The following KCTD3 variants were observed in gnomAD, a reference collection of about 807,000 sequenced individuals.
KCTD3 encodes potassium channel tetramerization domain containing 3, also known as BTB/POZ domain-containing protein KCTD3.
Under a neutral mutation model 85.8 loss-of-function variants are expected in KCTD3, and 41 were observed. The ratio of observed to expected loss-of-function variants is 0.48; its 90% CI spans 0.37 to 0.62. The LOEUF (loss-of-function observed/expected upper bound fraction) is 0.62. Among genes scored for constraint, KCTD3 ranks in the 20% least tolerant of loss-of-function variants. KCTD3 has a pLI of 0.00. For missense variants in KCTD3, 724 were observed against 989.9 expected, an observed-to-expected ratio of 0.73 and a Z score of 3.60; for synonymous variants, 338 against 345.4, an observed-to-expected ratio of 0.98 and a Z score of 0.24.
chr1:215,609,033 TTAAAA>T (rs1292129431), intron 14 of KCTD3, among the ~76,000 whole-genome samples: 1 of 152,076 alleles, frequency 6.6e-6, no homozygotes, highest in African/African-American at 2.4e-5. Context: ...GCAGTGGGAA[TTAAAA>T]TAAAACAGTT....
chr1:215,578,181 T>C, intron 6 of KCTD3, 100 bp downstream of exon 6: 1 of 906,680 alleles, frequency 1.1e-6, no homozygotes, highest in Non-Finnish European at 1.7e-6. Context: ...TTGAGTTTTT[T>C]GTCTATAAAT....
chr1:215,599,957 T>G (rs1240010604), intron 10 of KCTD3, among the ~76,000 whole-genome samples: 1 of 151,702 alleles, frequency 6.6e-6, no homozygotes, highest in African/African-American at 2.4e-5. Context: ...TCTGTCCCCA[T>G]TTTCCTGCCA....
chr1:215,576,523 T>C (rs749793655), intron 4 of KCTD3, among the ~76,000 whole-genome samples: 1 of 151,904 alleles, frequency 6.6e-6, no homozygotes, highest in Non-Finnish European at 1.5e-5. Flanking sequence ...CTGCAGTGAG[T>C]TATGATCATG....
chr1:215,593,995 G>A (rs1240034887), intron 9 of KCTD3, among the ~76,000 whole-genome samples: 2 of 151,856 alleles, frequency 1.3e-5, no homozygotes, highest in Non-Finnish European at 1.5e-5. Context: ...CAGTAGCTGG[G>A]ATTACAGGCG....
chr1:215,582,918 A>C (rs1365948462), intron 8 of KCTD3, among the ~76,000 whole-genome samples: 1 of 152,312 alleles, frequency 6.6e-6, no homozygotes, highest in South Asian at 2.1e-4. Context: ...GCAAATATGT[A>C]CCTTCTTTGT....
At chr1:215,602,290 T>A (rs1654861022) in intron 12 of KCTD3, 89 bp downstream of exon 12, 3 of 667,956 alleles carry the variant, frequency 4.5e-6, no homozygotes, top group Non-Finnish European at 7.8e-6. Flanking sequence ...TAAACTGGTT[T>A]ATTTCTTTTT....
chr1:215,577,327 A>G (rs1014264842), intron 4 of KCTD3, among the ~76,000 whole-genome samples: 1 of 152,144 alleles, frequency 6.6e-6, no homozygotes, highest in South Asian at 2.1e-4. Context: ...GTTAAAAGCA[A>G]CTAATGCCAT....
At chr1:215,572,291 T>A (rs1244708829) in intron 1 of KCTD3, among the ~76,000 whole-genome samples, 3 of 152,224 alleles carry the variant, frequency 2.0e-5, no homozygotes, top group African/African-American at 7.2e-5. Flanking sequence ...TGCTTTTAGG[T>A]GGTCCTCTCT....
chr1:215,600,429 C>A (rs1165559376), intron 10 of KCTD3, among the ~76,000 whole-genome samples: 1 of 152,196 alleles, frequency 6.6e-6, no homozygotes, highest in Non-Finnish European at 1.5e-5. Flanking sequence ...AGCTTCACTT[C>A]CTCTGTGAAC....
intron 8 of KCTD3, among the ~76,000 whole-genome samples, chr1:215,584,817 A>G (rs1659948652): frequency 6.6e-6 from 1 of 152,240 alleles, no homozygotes. Context: ...TATTGTAGTT[A>G]CATATTGCTG....
At position 215,567,702 on chromosome 1, in the gene KCTD3, G is replaced by A; in HGVS notation, c.17G>A (p.Cys6Tyr). The change falls in exon 1 of 18, where the codon TGC (cysteine) becomes TAC (tyrosine). Residue 6 changes from cysteine to tyrosine, a missense_variant. Physicochemically the swap from Cys to Tyr is radical, Grantham distance 194 (BLOSUM62 -2). Coordinates refer to ENST00000259154, the MANE Select transcript of KCTD3 (RefSeq NM_016121.5). MAGGH[C>Y]GSFPAAAAGS... ...CCGCCGGAGATGGCGGGAGGGCACTGCGGCAGCTTCCCCGCGGCGGCGGCC... is the reference window on the plus strand; with the variant it reads ...CCGCCGGAGATGGCGGGAGGGCACTACGGCAGCTTCCCCGCGGCGGCGGCC... The A allele has an allele frequency of 8.1e-7, 1 of 1,241,678 alleles. No individual in the cohort carries two copies. The highest frequency in any genetic ancestry group is 1.0e-6 in the Non-Finnish European group (1 of 988,198). The allele number at this position is 1,241,678 out of a possible 1,614,324, so 76.9% of individuals were successfully genotyped here. A position where few individuals can be genotyped will look rare whatever the true frequency, so the allele number is the denominator to read the frequency against.
At chr1:215,596,446 G>A (rs1383264761) in intron 10 of KCTD3, among the ~76,000 whole-genome samples, 1 of 152,116 alleles carries the variant, frequency 6.6e-6, no homozygotes, top group Non-Finnish European at 1.5e-5. Flanking sequence ...TTTCCATTGA[G>A]TGGGTATATA....
rs1479495843 is a variant in KCTD3 at position 215,608,155 on chromosome 1, C to T, written c.1448C>T (p.Ser483Phe). The change falls in exon 14 of 18, where the codon TCC becomes TTC. Residue 483 changes from serine (S) to phenylalanine (F), a missense_variant. Around this residue, in one of 6 missense-constraint regions of KCTD3, gnomAD observed 136 missense variants for 197.6 expected, o/e 0.69. Transcript: ENST00000259154. ...GAGACAGAAAGTCATGGTAGCTATT[C>T]CTCTGGAAATGACATAGGTGGGTTA... ...LEETESHGSY[S>F]SGNDIGPFGE... The T allele has an allele frequency of 6.2e-7, 1 of 1,610,322 alleles. No individual in the cohort carries two copies. The highest frequency in any genetic ancestry group is 1.3e-5 in the African/African-American group (1 of 74,710).
At chr1:215,576,833 G>C (rs1659604403) in intron 4 of KCTD3, among the ~76,000 whole-genome samples, 2 of 152,098 alleles carry the variant, frequency 1.3e-5, no homozygotes, top group African/African-American at 4.8e-5. Context: ...CTCCCAAAGT[G>C]CTGGGATTAC....
intron 14 of KCTD3, 88 bp downstream of exon 14, chr1:215,608,260 T>C (rs1655107621): frequency 1.2e-6 from 1 of 801,524 alleles, no homozygotes; most frequent in Non-Finnish European, 1.8e-6. Flanking sequence ...AAAAATGAGT[T>C]TTAAATACAA....
chr1:215,619,138 A>G lies in KCTD3; in HGVS notation c.1748-15A>G, dbSNP rs769107319. ...TTTCACTTAAGTGATTTTAATGACT[A>G]TTTGTTCTCCTAAGATGTAGGTGGT... On this transcript the variant is annotated splice_polypyrimidine_tract_variant and intron_variant, in intron 16 of 17. Coordinates refer to ENST00000259154, the MANE Select transcript of KCTD3 (RefSeq NM_016121.5). 29 of 1,611,992 alleles carry G rather than the reference A, an allele frequency of 1.8e-5. No individual in the cohort carries two copies. The highest frequency in any genetic ancestry group is 1.3e-4 in the Admixed American group (8 of 59,752).
chr1:215,607,605 G>A (rs972429623), intron 13 of KCTD3, among the ~76,000 whole-genome samples: 8 of 151,856 alleles, frequency 5.3e-5, no homozygotes, highest in South Asian at 2.1e-4. Flanking sequence ...ATAATTTTTC[G>A]GTAAGTTCTG....
chr1:215,597,734 A>G (rs1028396682), intron 10 of KCTD3, among the ~76,000 whole-genome samples: 1 of 152,094 alleles, frequency 6.6e-6, no homozygotes, highest in Non-Finnish European at 1.5e-5. Flanking sequence ...TGTTTGATTT[A>G]GCTTCTCTCT....
chr1:215,570,798 C>A (rs1314115889), intron 1 of KCTD3, among the ~76,000 whole-genome samples: 2 of 152,100 alleles, frequency 1.3e-5, no homozygotes, highest in Non-Finnish European at 2.9e-5. Flanking sequence ...TTTCTTTAGT[C>A]CTTTGCTGAA....
Sources: allele counts gnomAD v4.1 joint callset (sites outside exome capture counted in the v4.1 genomes callset), GRCh38; gene constraint gnomAD v4.1.1; regional missense constraint gnomAD v4.1.1; transcripts MANE v1.5; gene names NCBI Gene and HGNC (gene_info 2026-07-23, HGNC 2026-07-21).